The following RASSF4 variants were observed in gnomAD, a reference collection of about 807,000 sequenced individuals.
The protein encoded by RASSF4 is ras association domain-containing protein 4.
A neutral mutation model predicts 41.1 loss-of-function variants in RASSF4; 38 were observed. The observed-to-expected ratio is 0.92, with a 90% CI of 0.71 to 1.21. The LOEUF is 1.21. Ranked by LOEUF, RASSF4 falls within the 50% of genes most tolerant of loss-of-function variation. The probability of loss-of-function intolerance (pLI) is 0.00; values close to 1 mark genes in which losing one functional copy is unlikely to be tolerated. For synonymous variants in RASSF4, 179 were observed against 163.4 expected, an observed-to-expected ratio of 1.10 and a Z score of -0.73; for missense variants, 414 against 419.4, an observed-to-expected ratio of 0.99 and a Z score of 0.11.
rs1239492619 is a variant in RASSF4, at chr10:44,961,164, T to C, written c.-39+1298T>C. On this transcript the variant is annotated intron_variant, in intron 1 of 10. Coordinates refer to ENST00000340258, the MANE Select transcript of RASSF4 (RefSeq NM_032023.4). ...TGTATGTGAAGGCTGTTGTCATTAG[T>C]TCTAGCCATAATTCTCTCAGTGTGT... Among the ~76,000 whole-genome samples, 3 of 152,246 alleles carry C rather than the reference T, an allele frequency of 2.0e-5. No homozygotes were observed. The East Asian group carries it at 5.8e-4, about 29-fold the overall frequency.
At chr10:44,970,115 C>A in intron 1 of RASSF4, 50 bp from the exon 2 acceptor site, 2 of 1,146,736 alleles carry the variant, frequency 1.7e-6, no homozygotes, top group Non-Finnish European at 2.6e-6. Flanking sequence ...GCTGCACTGG[C>A]CGGCACTCCT....
chr10:44,969,397 C>G (rs1440702426), intron 1 of RASSF4, among the ~76,000 whole-genome samples: 1 of 152,040 alleles, frequency 6.6e-6, no homozygotes, highest in Non-Finnish European at 1.5e-5. Flanking sequence ...TGTGGATCCA[C>G]TAATGATCCT....
chr10:44,974,179 G>C (rs566374581), intron 3 of RASSF4, among the ~76,000 whole-genome samples: 2 of 152,324 alleles, frequency 1.3e-5, no homozygotes, highest in African/African-American at 4.8e-5. Context: ...GGGCCACTGG[G>C]CACTTGCTGC....
At chr10:44,983,990 G>A (rs1202503193) in intron 4 of RASSF4, 32 bp from the exon 5 acceptor site, 1 of 1,565,820 alleles carries the variant, frequency 6.4e-7, no homozygotes, top group Admixed American at 1.9e-5. Flanking sequence ...TCTGCCGGCA[G>A]CCATCTCAGC....
intron 1 of RASSF4, among the ~76,000 whole-genome samples, chr10:44,965,441 T>A (rs770233912): frequency 1.3e-5 from 2 of 152,240 alleles, no homozygotes; most frequent in Non-Finnish European, 2.9e-5. Context: ...GCTAGCCACT[T>A]CTTTCAGGAT....
intron 4 of RASSF4, 200 bp downstream of exon 4, chr10:44,982,863 C>T: frequency 1.4e-6 from 1 of 706,976 alleles, no homozygotes; most frequent in Non-Finnish European, 2.6e-6. Context: ...GGAGAACATT[C>T]CAGGCTCCCA....
chr10:44,976,034 T>C (rs1014780969), intron 3 of RASSF4: 13 of 152,322 alleles, frequency 8.5e-5, no homozygotes, highest in African/African-American at 2.9e-4. Flanking sequence ...AGGATGATGA[T>C]TGGCTAAAGG....
Position 44,989,687 on chromosome 10 carries a change from T to A in RASSF4, c.651T>A (p.Ser217Arg). 2 of 1,614,210 alleles carry A rather than the reference T, an allele frequency of 1.2e-6. No homozygotes were observed. The highest frequency in any genetic ancestry group is 1.7e-6 in the Non-Finnish European group (2 of 1,180,026). Reference protein sequence around the residue: ...LNKFRVEDGPSEFALYIVHES... With the variant: ...LNKFRVEDGPREFALYIVHES... ...CTGTGCAGGTGGAAGATGGCCCCAG[T>A]GAGTTCGCACTCTACATCGTTCACG... The change falls in exon 8 of 11, where the codon AGT becomes AGA. Residue 217 changes from serine to arginine, a missense_variant. Physicochemically the swap from Ser to Arg is moderately radical, Grantham distance 110. Transcript: ENST00000340258.
At chr10:44,980,581 G>A (rs1251628583) in intron 3 of RASSF4, among the ~76,000 whole-genome samples, 1 of 152,186 alleles carries the variant, frequency 6.6e-6, no homozygotes, top group Non-Finnish European at 1.5e-5. Flanking sequence ...CTGAGGTCAG[G>A]GCCACCTGCT....
chr10:44,977,453 G>A (rs1329601905), intron 3 of RASSF4: 1 of 1,611,784 alleles, frequency 6.2e-7, no homozygotes, highest in South Asian at 1.1e-5. Flanking sequence ...GCTGGGGCGG[G>A]GGCGGTGGCG....
At chr10:44,977,191 G>C in intron 3 of RASSF4, 1 of 621,872 alleles carries the variant, frequency 1.6e-6, no homozygotes, top group South Asian at 2.9e-5. Flanking sequence ...GAGCGAACGG[G>C]ATTGGTAACA....
At chr10:44,963,873 G>T (rs1840802541) in intron 1 of RASSF4, among the ~76,000 whole-genome samples, 1 of 152,212 alleles carries the variant, frequency 6.6e-6, no homozygotes, top group Admixed American at 6.5e-5. Flanking sequence ...CATGTTTTAT[G>T]TAAGAAGGGA....
At chr10:44,979,115 C>A (rs141470409) in intron 3 of RASSF4, among the ~76,000 whole-genome samples, 3 of 152,290 alleles carry the variant, frequency 2.0e-5, no homozygotes, top group African/African-American at 7.2e-5. Flanking sequence ...GTTTCCCACT[C>A]TGTGTTACAC....
In RASSF4 at chr10:44,993,735, A is replaced by C. The variant is rs1190133754; in HGVS notation, c.*406A>C. The C allele has an allele frequency of 1.7e-5, 3 of 174,612 alleles. No individual in the cohort carries two copies. Among genetic ancestry groups the C allele is most frequent in the Non-Finnish European group, 3.7e-5 (3 of 81,320 alleles). The allele number at this position is 174,612 out of a possible 1,614,324, so 10.8% of individuals were successfully genotyped here. A position where few individuals can be genotyped will look rare whatever the true frequency, so the allele number is the denominator to read the frequency against. ...TCATATGAGATTCTTGTCTGCCCTC[A>C]TATCACGCTGCCCCACAGGAATGCT... On this transcript the variant is annotated 3_prime_UTR_variant, in exon 11 of 11. Coordinates refer to ENST00000340258, the MANE Select transcript of RASSF4 (RefSeq NM_032023.4).
At chr10:44,990,770 C>A in intron 8 of RASSF4, 178 bp from the exon 9 acceptor site, 2 of 535,102 alleles carry the variant, frequency 3.7e-6, no homozygotes, top group Non-Finnish European at 6.6e-6. Flanking sequence ...GATCTGGGGG[C>A]CCTGTTCTGC....
In RASSF4 at chr10:44,982,622, C is replaced by T; in HGVS notation, c.240C>T (p.Leu80=). The change falls in exon 4 of 11, where the codon CTC becomes CTT. Residue 80 remains leucine (L), a synonymous_variant. Coordinates refer to ENST00000340258, the MANE Select transcript of RASSF4 (RefSeq NM_032023.4). ...AGGATGACCGGGAGCAGGTGCACCT[C>T]CCCTCCACCTCATGGATGCCCAGAC... is the stretch of plus-strand genomic sequence containing the variant. ...QMQDDREQVH[L]PSTSWMPRRP... is the part of the protein sequence containing the mutation. 1 of 1,613,434 alleles carries T rather than the reference C, an allele frequency of 6.2e-7. No homozygotes were observed. Among genetic ancestry groups the T allele is most frequent in the African/African-American group, 1.3e-5 (1 of 75,026 alleles).
chr10:44,972,365 G>C (rs542941950), intron 3 of RASSF4, among the ~76,000 whole-genome samples: 1 of 152,370 alleles, frequency 6.6e-6, no homozygotes, highest in Non-Finnish European at 1.5e-5. Flanking sequence ...CAGGTGTGGG[G>C]AGTGGGTCTC....
chr10:44,979,340 T>G (rs1340365672), intron 3 of RASSF4, among the ~76,000 whole-genome samples: 2 of 152,138 alleles, frequency 1.3e-5, no homozygotes, highest in South Asian at 2.1e-4. Context: ...GAGGATTTGT[T>G]TGTTTACTTG....
Position 44,991,970 on chromosome 10 carries a change from G to A in RASSF4, c.873G>A (p.Glu291=). The A allele has an allele frequency of 6.2e-7, 1 of 1,612,518 alleles. No homozygotes were observed. The highest frequency in any genetic ancestry group is 8.5e-7 in the Non-Finnish European group (1 of 1,178,660). ...GTTTTGTTGAAAAATTAAAAGAAGA[G>A]GAAGAAAGAGAAATAATCAAACTGA... ...LDSFVEKLKE[E]EEREIIKLTM... Residue 291 remains glutamate (E), a synonymous_variant, in exon 10 of 11, where the codon GAG becomes GAA. Transcript: ENST00000340258.
Sources: allele counts gnomAD v4.1 joint callset (sites outside exome capture counted in the v4.1 genomes callset), GRCh38; gene constraint gnomAD v4.1.1; transcripts MANE v1.5; gene names NCBI Gene and HGNC (gene_info 2026-07-23, HGNC 2026-07-21).